The following SLC4A2 variants were observed in gnomAD, a reference collection of about 807,000 sequenced individuals.
SLC4A2 encodes the protein anion exchange protein 2.
Under a neutral mutation model 115.0 loss-of-function variants are expected in SLC4A2, and 36 were observed. The ratio of observed to expected loss-of-function variants is 0.31; its 90% CI spans 0.24 to 0.41. The LOEUF is 0.41. Ranked by LOEUF, SLC4A2 falls within the 10% of genes least tolerant of loss-of-function variation. The pLI is 1.00. For missense variants in SLC4A2, 1,252 were observed against 1,705.6 expected, an observed-to-expected ratio of 0.73 and a Z score of 4.68; for synonymous variants, 708 against 708.3, an observed-to-expected ratio of 1.00 and a Z score of 0.01.
Position 151,074,214 on chromosome 7 carries a change from C to T in SLC4A2, c.2711C>T (p.Ser904Leu). Residue 904 changes from serine to leucine, a missense_variant, in exon 17 of 23, where the codon TCG becomes TTG. Physicochemically the swap from Ser to Leu is moderately radical, Grantham distance 145. Coordinates refer to ENST00000413384, the MANE Select transcript of SLC4A2 (RefSeq NM_003040.4). ...GGCCAGCCCAACACGGCCCTGCTGT[C>T]GCTGGTGCTCATGGCCGGCACCTTC... ...PRGQPNTALL[S>L]LVLMAGTFFI... The T allele has an allele frequency of 1.2e-6, 2 of 1,613,006 alleles. No homozygotes were observed. Among genetic ancestry groups the T allele is most frequent in the African/African-American group, 1.3e-5 (1 of 75,074 alleles).
intron 4 of SLC4A2, 33 bp downstream of exon 4, chr7:151,064,800 G>T (rs1383036455): frequency 1.9e-6 from 3 of 1,608,728 alleles, no homozygotes; most frequent in East Asian, 4.5e-5. Flanking sequence ...GGGCATGTCG[G>T]CAGGGCCCTG....
At chr7:151,070,666 C>T (rs1302183049) in intron 11 of SLC4A2, 61 bp from the exon 12 acceptor site, 9 of 1,602,328 alleles carry the variant, frequency 5.6e-6, no homozygotes, top group East Asian at 2.2e-5. Context: ...CCACCCTGGG[C>T]GAGGGACTGG....
Position 151,074,755 on chromosome 7 carries a change from C to T in SLC4A2, c.2961C>T (p.Ser987=). ...TCATCAACCCCCTGGGAGAGAAGAG[C>T]CCCTTCCCTGTGTGGATGATGGTTG... ...GWVINPLGEK[S]PFPVWMMVAS... is the part of the protein sequence containing the mutation. The change falls in exon 19 of 23, where the codon AGC becomes AGT. Residue 987 remains serine, a synonymous_variant. Coordinates refer to ENST00000413384, the MANE Select transcript of SLC4A2 (RefSeq NM_003040.4). 2 of 1,613,776 alleles carry T rather than the reference C, an allele frequency of 1.2e-6. No homozygotes were observed. Among genetic ancestry groups the T allele is most frequent in the Non-Finnish European group, 1.7e-6 (2 of 1,179,872 alleles).
rs897289740 is a variant in SLC4A2, at chr7:151,060,519, C to T, written c.-64+757C>T. On this transcript the variant is annotated intron_variant, in intron 1 of 22. Transcript: ENST00000413384. This position sits in a 1 kb window ranked among gnomAD's most constrained non-coding sequence, Gnocchi z 5.9. ...CCTCTGGGCCGGTCGGGGCTGGTCCCGGGAATGTGCCCCTACCCGGATTAT... is the reference window on the plus strand; with the variant it reads ...CCTCTGGGCCGGTCGGGGCTGGTCCTGGGAATGTGCCCCTACCCGGATTAT... Among the ~76,000 whole-genome samples, 7 of 152,146 alleles carry T rather than the reference C, an allele frequency of 4.6e-5. No individual in the cohort carries two copies. Among genetic ancestry groups the T allele is most frequent in the Admixed American group, 3.3e-4 (5 of 15,274 alleles).
At chr7:151,061,090 G>GCA (rs1364822418) in intron 1 of SLC4A2, 3 of 152,224 alleles carry the variant, frequency 2.0e-5, no homozygotes, top group Non-Finnish European at 4.4e-5. Flanking sequence ...GAGGGTGGCA[G>GCA]CACTGCCACT....
At position 151,064,883 on chromosome 7, in the gene SLC4A2, G is replaced by A; in HGVS notation, c.495G>A (p.Lys165=). The A allele has an allele frequency of 1.2e-6, 2 of 1,614,008 alleles. No homozygotes were observed. Among genetic ancestry groups the A allele is most frequent in the African/African-American group, 1.3e-5 (1 of 75,040 alleles). The change falls in exon 5 of 23, where the codon AAG becomes AAA. Residue 165 remains lysine, a synonymous_variant. Transcript: ENST00000413384. ...FLQEDDSADR[K]AERTSPSSPA... is the part of the protein sequence containing the mutation. ...AAGAGGATGACAGTGCTGACCGGAA[G>A]GCAGAGAGGACCAGTCCATCTTCCC...
chr7:151,062,930 C>G, intron 2 of SLC4A2: 1 of 1,400,118 alleles, frequency 7.1e-7, no homozygotes, highest in Non-Finnish European at 9.2e-7. Flanking sequence ...TCCCCGCGCT[C>G]TTCCTTGTTC....
rs201086697 is a variant in SLC4A2 at position 151,071,193 on chromosome 7, G to A, written c.1871G>A (p.Arg624His). The change falls in exon 13 of 23, where the codon CGC becomes CAC. Residue 624 changes from arginine (R) to histidine (H), a missense_variant. Arg to His is a conservative substitution (Grantham distance 29). Coordinates refer to ENST00000413384, the MANE Select transcript of SLC4A2 (RefSeq NM_003040.4). The surrounding 1 kb of genome is among the most constrained non-coding windows in gnomAD (Gnocchi z 5.5). ...GAAGTGCAGGGCGAGGAGCTGCTGCGCTCTGTGGCCCACTTCCAGCGCCAG... is the reference window on the plus strand; with the variant it reads ...GAAGTGCAGGGCGAGGAGCTGCTGCACTCTGTGGCCCACTTCCAGCGCCAG... ...PSEVQGEELL[R>H]SVAHFQRQML... is the part of the protein sequence containing the mutation. 106 of 1,607,168 alleles carry A rather than the reference G, an allele frequency of 6.6e-5. No homozygotes were observed. The highest frequency in any genetic ancestry group is 1.4e-4 in the South Asian group (13 of 89,936).
rs748810129 is a variant in SLC4A2, at chr7:151,070,723, C to T, written c.1565-4C>T. The T allele has an allele frequency of 1.2e-6, 2 of 1,612,966 alleles. No homozygotes were observed. The highest frequency in any genetic ancestry group is 3.3e-5 in the Admixed American group (2 of 60,020). On this transcript the variant is annotated splice_polypyrimidine_tract_variant and splice_region_variant and intron_variant, in intron 11 of 22. Transcript: ENST00000413384. ...TCTTGCCCACGATGGTCCCACGCCC[C>T]TAGGCTGCGTGGAGTTCCTCTCCCG...
In SLC4A2 at chr7:151,060,728, C is replaced by T. The variant is rs1797017076; in HGVS notation, c.-64+966C>T. 1.3e-5 allele frequency among the ~76,000 whole-genome samples: 2 copies of T among 152,166 alleles called. No homozygotes were observed. The highest frequency in any genetic ancestry group is 4.8e-5 in the African/African-American group (2 of 41,440). The stretch of plus-strand genomic sequence containing the variant: ...GGTGCACTCACGCTCACCCACACCA[C>T]CCGCCCTGGCTGAAGGCCTGCTGAG... On this transcript the variant is annotated intron_variant, in intron 1 of 22. Transcript: ENST00000413384. This position sits in a 1 kb window ranked among gnomAD's most constrained non-coding sequence, Gnocchi z 5.9.
Position 151,076,490 on chromosome 7 carries a change from C to G in SLC4A2, c.*123C>G, listed in dbSNP as rs1797652683. The G allele has an allele frequency of 3.6e-6, 3 of 842,554 alleles. No homozygotes were observed. Among genetic ancestry groups the G allele is most frequent in the Non-Finnish European group, 5.3e-6 (3 of 570,006 alleles). The allele number at this position is 842,554 out of a possible 1,614,324, so 52.2% of individuals were successfully genotyped here. A position where few individuals can be genotyped will look rare whatever the true frequency, so the allele number is the denominator to read the frequency against. On this transcript the variant is annotated 3_prime_UTR_variant, in exon 23 of 23. Transcript: ENST00000413384. ...GAATAATTTAAAGTCTTCTCCTCCCCCACTGCCCCTGCAGTAAAGTGCTTT... is the reference window on the plus strand; with the variant it reads ...GAATAATTTAAAGTCTTCTCCTCCCGCACTGCCCCTGCAGTAAAGTGCTTT...
At position 151,063,254 on chromosome 7, in the gene SLC4A2, GCCTGGGGGCTGGGGGAGCTCT is replaced by G. The variant is rs1371435253; in HGVS notation, c.52-936_52-916del. The G allele has an allele frequency of 4.2e-6, 5 of 1,179,546 alleles. No individual in the cohort carries two copies. In the Admixed American group the frequency reaches 1.0e-4, roughly 24 times the overall value. The allele number at this position is 1,179,546 out of a possible 1,614,324, so 73.1% of individuals were successfully genotyped here. On this transcript the variant is annotated intron_variant, in intron 2 of 22. Transcript: ENST00000413384. Reference sequence around the variant, plus strand: ...ACCTGGCCCAGGGCTCGGGCCGGGGGCCTGGGGGCTGGGGGAGCTCTCCTGGGGGCTGAAGGGCATCCATTC... The same window carrying G: ...ACCTGGCCCAGGGCTCGGGCCGGGGGCCTGGGGGCTGAAGGGCATCCATTC...
At position 151,064,364 on chromosome 7, in the gene SLC4A2, G is replaced by C. The variant is rs1797155165; in HGVS notation, c.214G>C (p.Glu72Gln). 6.5e-7 allele frequency: 1 copy of C among 1,528,802 alleles called. No individual in the cohort carries two copies. Among genetic ancestry groups the C allele is most frequent in the African/African-American group, 1.4e-5 (1 of 72,572 alleles). 94.7% of individuals were successfully genotyped at this position (1,528,802 alleles called of 1,614,324 possible). A position where few individuals can be genotyped will look rare whatever the true frequency, so the allele number is the denominator to read the frequency against. Residue 72 changes from glutamate to glutamine, a missense_variant, in exon 3 of 23, where the codon GAG becomes CAG. Transcript: ENST00000413384. ...PGRSYGEEDF[E>Q]YHRQSSHHIH... is the part of the protein sequence containing the mutation. ...CCGCAGCTATGGGGAGGAAGACTTT[G>C]AGTGTGAGGGGGCAGGCAGGGGAGG...
chr7:151,063,060 T>C, intron 2 of SLC4A2: 9 of 1,490,048 alleles, frequency 6.0e-6, no homozygotes, highest in Non-Finnish European at 1.8e-6. Flanking sequence ...AGACCGTGGG[T>C]GGGTGGGGGG....
intron 16 of SLC4A2, 108 bp from the exon 17 acceptor site, chr7:151,073,931 G>A (rs933321710): frequency 5.8e-6 from 7 of 1,207,926 alleles, no homozygotes; most frequent in South Asian, 3.0e-5. Context: ...CTCCTTGAAA[G>A]CAGGCCAGCC....
In SLC4A2 at chr7:151,070,253, G is replaced by T. The variant is rs143928488; in HGVS notation, c.1356G>T (p.Gly452=). The part of the protein sequence containing the change: ...ISAGSLGSLL[G]HHHGQGAESD... ...CTGGCTCCCTGGGCTCCCTGCTGGG[G>T]CATCACCATGGTCAGGGGGCTGAGA... Residue 452 remains glycine, a synonymous_variant, in exon 10 of 23, where the codon GGG becomes GGT. Transcript: ENST00000413384. 2 of 1,613,926 alleles carry T rather than the reference G, an allele frequency of 1.2e-6. No homozygotes were observed. Among genetic ancestry groups the T allele is most frequent in the African/African-American group, 1.3e-5 (1 of 74,944 alleles).
In SLC4A2 at chr7:151,066,658, C is replaced by A; in HGVS notation, c.720C>A (p.Arg240=). The A allele has an allele frequency of 6.4e-7, 1 of 1,550,892 alleles. No homozygotes were observed. The highest frequency in any genetic ancestry group is 8.7e-7 in the Non-Finnish European group (1 of 1,147,070). The change falls in exon 6 of 23, where the codon CGC becomes CGA. Residue 240 remains arginine (R), a synonymous_variant. Coordinates refer to ENST00000413384, the MANE Select transcript of SLC4A2 (RefSeq NM_003040.4). The part of the protein sequence containing the change: ...HRSYNLQERR[R]IGSMTGAEQA... ...GCTACAACCTTCAGGAGAGGAGGCGCATCGGGAGCATGACTGGGGCTGAGC... is the reference window on the plus strand; with the variant it reads ...GCTACAACCTTCAGGAGAGGAGGCGAATCGGGAGCATGACTGGGGCTGAGC...
intron 5 of SLC4A2, 113 bp downstream of exon 5, chr7:151,065,079 C>A: frequency 1.3e-6 from 1 of 797,034 alleles, no homozygotes. Context: ...GGTTCAAATC[C>A]CAGGCCCGCA....
chr7:151,075,037 G>C, intron 19 of SLC4A2, 196 bp downstream of exon 19: 3 of 875,396 alleles, frequency 3.4e-6, no homozygotes, highest in Non-Finnish European at 5.4e-6. Context: ...ACGTGGAGGG[G>C]CAGGCCACCC....
Sources: gnomAD v4.1 joint callset for allele counts (sites outside exome capture counted in the v4.1 genomes callset) on GRCh38, gnomAD v4.1.1 for gene constraint, Gnocchi (gnomAD v3.1) non-coding constraint, MANE v1.5 for transcripts, NCBI Gene and HGNC (gene_info 2026-07-23, HGNC 2026-07-21) for gene names.